AKNAD1: variants seen among roughly 807,000 people sequenced by gnomAD.
The protein encoded by AKNAD1 is AKNA domain containing 1.
Under a neutral mutation model 90.8 loss-of-function variants are expected in AKNAD1, and 67 were observed. That is an observed-to-expected ratio of 0.74 (90% CI 0.61 to 0.90). AKNAD1 has a LOEUF of 0.90. Among genes scored for constraint, AKNAD1 ranks in the 40% least tolerant of loss-of-function variants. The pLI is 0.00. For missense variants in AKNAD1, 957 were observed against 975.4 expected, an observed-to-expected ratio of 0.98 and a Z score of 0.25; for synonymous variants, 327 against 341.4, an observed-to-expected ratio of 0.96 and a Z score of 0.46.
At chr1:108,816,443 G>A (rs1375145084) in intron 15 of AKNAD1, 141 bp from the exon 16 acceptor site, 2 of 912,772 alleles carry the variant, frequency 2.2e-6, no homozygotes, top group South Asian at 2.2e-5. Flanking sequence ...TGTTTTTGAG[G>A]GTTGGTTTCC....
In AKNAD1 at chr1:108,816,043, T is replaced by G; in HGVS notation, c.*128A>C. The G allele has an allele frequency of 9.9e-7, 1 of 1,011,194 alleles. No individual in the cohort carries two copies. 62.6% of individuals were successfully genotyped at this position (1,011,194 alleles called of 1,614,324 possible). ...TTAAGTACTTTGTGTTACCCATTTC[T>G]TATGGTTTCTGTGTTTTCTCTAGAA... On this transcript the variant is annotated 3_prime_UTR_variant, in exon 16 of 16. Coordinates refer to ENST00000370001, the MANE Select transcript of AKNAD1 (RefSeq NM_152763.5).
intron 10 of AKNAD1, among the ~76,000 whole-genome samples, chr1:108,829,471 C>T (rs1462269102): frequency 2.0e-5 from 3 of 152,138 alleles, no homozygotes; most frequent in Non-Finnish European, 4.4e-5. Flanking sequence ...GACTTTAATT[C>T]AATAAATAAA....
At chr1:108,845,100 T>C (rs1165722714) in intron 5 of AKNAD1, among the ~76,000 whole-genome samples, 1 of 152,220 alleles carries the variant, frequency 6.6e-6, no homozygotes, top group Non-Finnish European at 1.5e-5. Context: ...ATTACAGGCA[T>C]GAGCCACCAC....
intron 2 of AKNAD1, among the ~76,000 whole-genome samples, chr1:108,851,441 C>A (rs1664859087): frequency 6.6e-6 from 1 of 152,266 alleles, no homozygotes; most frequent in African/African-American, 2.4e-5. Flanking sequence ...CAAATTCCGG[C>A]TTGCGGAATT....
In AKNAD1 at chr1:108,823,438, G is replaced by C. The variant is rs1227848161; in HGVS notation, c.2099C>G (p.Ser700Ter). 1 of 1,614,118 alleles carries C rather than the reference G, an allele frequency of 6.2e-7. No individual in the cohort carries two copies. Among genetic ancestry groups the C allele is most frequent in the Admixed American group, 1.7e-5 (1 of 60,032 alleles). The change falls in exon 13 of 16, where the codon TCA becomes TGA. Residue 700 changes from serine to a stop codon, truncating the protein, a stop_gained. Coordinates refer to ENST00000370001, the MANE Select transcript of AKNAD1 (RefSeq NM_152763.5). LOFTEE classifies it high-confidence loss of function. ...AAAGGCACCTCTTTTGCTATGATTTGAGTAATTCTGTCCTGGAGTGTTGTA... is the reference window on the plus strand; with the variant it reads ...AAAGGCACCTCTTTTGCTATGATTTCAGTAATTCTGTCCTGGAGTGTTGTA... ...YRYNTPGQNY[S>*]NHSKRGAFVQ...
intron 10 of AKNAD1, 104 bp from the exon 11 acceptor site, chr1:108,827,406 G>A: frequency 2.4e-6 from 2 of 838,100 alleles, no homozygotes; most frequent in South Asian, 3.0e-5. Context: ...ATTAGAGCCT[G>A]GAACAGTGTA....
In AKNAD1 at chr1:108,823,596, G is replaced by T; in HGVS notation, c.2029C>A (p.Arg677=). The T allele has an allele frequency of 6.2e-7, 1 of 1,614,054 alleles. No homozygotes were observed. The highest frequency in any genetic ancestry group is 1.1e-5 in the South Asian group (1 of 91,074). The change falls in exon 12 of 16, where the codon CGA becomes AGA. Residue 677 remains arginine, a synonymous_variant. Coordinates refer to ENST00000370001, the MANE Select transcript of AKNAD1 (RefSeq NM_152763.5). Reference sequence around the variant, plus strand: ...GTTGGTTCTTTCCTGCAGGCTCTTCGGGAGGTAGGAATCTTAGTGCCACAG... The same window carrying T: ...GTTGGTTCTTTCCTGCAGGCTCTTCTGGAGGTAGGAATCTTAGTGCCACAG... ...QDCGTKIPTS[R]RACRKEPTKE...
At chr1:108,827,909 C>T (rs1309597178) in intron 10 of AKNAD1, among the ~76,000 whole-genome samples, 1 of 150,984 alleles carries the variant, frequency 6.6e-6, no homozygotes, top group Non-Finnish European at 1.5e-5. Flanking sequence ...ATTCACAAAA[C>T]ACATTTGAAG....
rs1664906545 is a variant in AKNAD1, at chr1:108,852,659, A to T, written c.6T>A (p.Asp2Glu). The T allele has an allele frequency of 6.3e-7, 1 of 1,576,116 alleles. No individual in the cohort carries two copies. Among genetic ancestry groups the T allele is most frequent in the Non-Finnish European group, 8.6e-7 (1 of 1,163,198 alleles). ...TCGTGTGTTCTGAAAAATCAGCCTCATCCATGTGTGTGCAGCCCGATCGCT... is the reference window on the plus strand; with the variant it reads ...TCGTGTGTTCTGAAAAATCAGCCTCTTCCATGTGTGTGCAGCCCGATCGCT... Reference protein sequence around the residue: MDEADFSEHTTY... With the variant: MEEADFSEHTTY... The change falls in exon 2 of 16, where the codon GAT (aspartate) becomes GAA (glutamate). Residue 2 changes from aspartate (D) to glutamate (E), a missense_variant. Physicochemically the swap from Asp to Glu is conservative, Grantham distance 45 (BLOSUM62 2). Coordinates refer to ENST00000370001, the MANE Select transcript of AKNAD1 (RefSeq NM_152763.5).
chr1:108,847,462 A>C (rs993840066), intron 5 of AKNAD1, among the ~76,000 whole-genome samples: 1 of 143,492 alleles, frequency 7.0e-6, no homozygotes, highest in Non-Finnish European at 1.5e-5. Context: ...AAAAAAAAAC[A>C]AAAAAAAAAA....
In AKNAD1 at chr1:108,851,661, G is replaced by A. The variant is rs751564559; in HGVS notation, c.993+11C>T. ...CCAATTAATGTGTTTACAGGAGACT[G>A]TTTCATTTACCTGGATTTGTTGTGA... is the stretch of plus-strand genomic sequence containing the variant. On this transcript the variant is annotated intron_variant, in intron 2 of 15. Coordinates refer to ENST00000370001, the MANE Select transcript of AKNAD1 (RefSeq NM_152763.5). The A allele has an allele frequency of 9.6e-6, 15 of 1,570,340 alleles. No individual in the cohort carries two copies. The East Asian group carries it at 3.4e-4, about 35-fold the overall frequency.
chr1:108,830,835 G>C, intron 9 of AKNAD1, 185 bp from the exon 10 acceptor site: 1 of 620,876 alleles, frequency 1.6e-6, no homozygotes, highest in Non-Finnish European at 2.9e-6. Context: ...AAAGAAGAAA[G>C]AGCCCATCCT....
chr1:108,851,934 C>G lies in AKNAD1; in HGVS notation c.731G>C (p.Gly244Ala), dbSNP rs1302614958. ...QKQQTEKANSGNTFKYGQGQV... is the reference protein window; with the variant it reads ...QKQQTEKANSANTFKYGQGQV... ...ACCTTGGCCGTATTTGAACGTGTTG[C>G]CTGAATTTGCTTTTTCAGTCTGCTG... The change falls in exon 2 of 16, where the codon GGC (glycine) becomes GCC (alanine). Residue 244 changes from glycine to alanine, a missense_variant. Transcript: ENST00000370001. The G allele has an allele frequency of 6.2e-7, 1 of 1,614,038 alleles. No individual in the cohort carries two copies. Among genetic ancestry groups the G allele is most frequent in the African/African-American group, 1.3e-5 (1 of 74,916 alleles).
rs200474876 is a variant in AKNAD1 at position 108,835,026 on chromosome 1, C to T, written c.1567G>A (p.Gly523Arg). The T allele has an allele frequency of 1.3e-6, 2 of 1,572,758 alleles. No homozygotes were observed. Among genetic ancestry groups the T allele is most frequent in the Non-Finnish European group, 1.7e-6 (2 of 1,165,498 alleles). Residue 523 changes from glycine (G) to arginine (R), a missense_variant, in exon 8 of 16, where the codon GGG (glycine) becomes AGG (arginine). By Grantham distance (125) the Gly-to-Arg change is moderately radical. Transcript: ENST00000370001. ...TCACTCCCACCTGAGCCTCGAGGCC[C>T]AGAAGGGTGGCCGGGGTGCTCCTTG... ...IPKEHPGHPS[G>R]PRGSGGSEVT...
chr1:108,823,106 T>A, intron 13 of AKNAD1: 1 of 672,410 alleles, frequency 1.5e-6, no homozygotes, highest in Non-Finnish European at 2.7e-6. Flanking sequence ...TATGGGTTGC[T>A]ACCAACTTGC....
At chr1:108,830,402 G>C (rs1046794704) in intron 10 of AKNAD1, among the ~76,000 whole-genome samples, 157 bp downstream of exon 10, 4 of 152,172 alleles carry the variant, frequency 2.6e-5, no homozygotes, top group Admixed American at 1.3e-4. Flanking sequence ...AGGATCTGTA[G>C]GGTGCGAGGG....
At chr1:108,843,048 G>A in intron 6 of AKNAD1, 86 bp downstream of exon 6, 3 of 1,527,884 alleles carry the variant, frequency 2.0e-6, no homozygotes, top group Non-Finnish European at 2.7e-6. Context: ...GGCTCTCCAA[G>A]CACTAAGCCA....
At chr1:108,839,172 A>G (rs550736554) in intron 6 of AKNAD1, among the ~76,000 whole-genome samples, 2 of 152,310 alleles carry the variant, frequency 1.3e-5, no homozygotes, top group Non-Finnish European at 2.9e-5. Context: ...GTCCTATATT[A>G]TTAGACTCTT....
chr1:108,825,977 C>T (rs1443061307), intron 11 of AKNAD1, among the ~76,000 whole-genome samples: 1 of 151,718 alleles, frequency 6.6e-6, no homozygotes, highest in Non-Finnish European at 1.5e-5. Flanking sequence ...ACTGCATCTC[C>T]ATCAGTTGCC....
Sources: gnomAD v4.1 joint callset for allele counts (sites outside exome capture counted in the v4.1 genomes callset) on GRCh38, gnomAD v4.1.1 for gene constraint, MANE v1.5 for transcripts, NCBI Gene and HGNC (gene_info 2026-07-23, HGNC 2026-07-21) for gene names.